The following OSMR variants were observed in gnomAD, a reference collection of about 807,000 sequenced individuals.
OSMR encodes oncostatin-M-specific receptor subunit beta.
Under a neutral mutation model 99.9 loss-of-function variants are expected in OSMR, and 81 were observed. The observed-to-expected ratio is 0.81, with a 90% CI of 0.68 to 0.97. The LOEUF (loss-of-function observed/expected upper bound fraction) is 0.97. Ranked by LOEUF, OSMR falls within the 50% of genes least tolerant of loss-of-function variation. The pLI, the probability that OSMR is intolerant of heterozygous loss-of-function variation, is 0.00. For missense variants in OSMR, 1,099 were observed against 1,153.4 expected (o/e 0.95, Z 0.68); for synonymous variants, 406 against 410.4 (o/e 0.99, Z 0.13).
At chr5:38,854,157 G>A (rs3805560) in intron 1 of OSMR, among the ~76,000 whole-genome samples, 1 of 152,050 alleles carries the variant, frequency 6.6e-6, no homozygotes, top group African/African-American at 2.4e-5. Flanking sequence ...ACCCAGGCAT[G>A]AGACCTCCAA....
downstream of OSMR, among the ~76,000 whole-genome samples, chr5:38,937,375 A>G (rs1202840092): frequency 6.6e-6 from 1 of 152,230 alleles, no homozygotes; most frequent in Non-Finnish European, 1.5e-5. This position sits in a 1 kb window ranked among gnomAD's most constrained non-coding sequence, Gnocchi z 4.0. Flanking sequence ...AGTGGAAGAC[A>G]TTGGGAAAAA....
At chr5:38,868,530 C>T (rs1262114537) in intron 1 of OSMR, among the ~76,000 whole-genome samples, 1 of 152,174 alleles carries the variant, frequency 6.6e-6, no homozygotes, top group African/African-American at 2.4e-5. Flanking sequence ...ATCTGATGGG[C>T]TTATCAAGGT....
intron 12 of OSMR, 129 bp downstream of exon 12, chr5:38,921,923 G>A (rs778637876): frequency 2.6e-6 from 2 of 766,146 alleles, no homozygotes; most frequent in African/African-American, 3.5e-5. Flanking sequence ...AATCCAGCAT[G>A]GGTGTTAGGA....
At chr5:38,852,809 C>G (rs1004324090) in intron 1 of OSMR, among the ~76,000 whole-genome samples, 1 of 132,332 alleles carries the variant, frequency 7.6e-6, no homozygotes. Context: ...TGGCTCACTG[C>G]AAGCTCCGCC....
chr5:38,880,707 C>G (rs1055395104), intron 3 of OSMR, among the ~76,000 whole-genome samples: 1 of 152,192 alleles, frequency 6.6e-6, no homozygotes, highest in African/African-American at 2.4e-5. Flanking sequence ...AAGGCATATC[C>G]AGAAGTGTGG....
chr5:38,859,960 C>T (rs1272348120), intron 1 of OSMR, among the ~76,000 whole-genome samples: 1 of 152,102 alleles, frequency 6.6e-6, no homozygotes, highest in Non-Finnish European at 1.5e-5. Context: ...ATTCATTTAT[C>T]AGTTCTAAGA....
At position 38,934,566 on chromosome 5, in the gene OSMR, TCTCAG is replaced by T. The variant is rs1746930016; in HGVS notation, c.*1127_*1131del. The T allele has an allele frequency of 6.6e-6, 1 of 152,158 alleles. No homozygotes were observed. The highest frequency in any genetic ancestry group is 2.4e-5 in the African/African-American group (1 of 41,426). 9.4% of individuals were successfully genotyped at this position (152,158 alleles called of 1,614,324 possible). A position where few individuals can be genotyped will look rare whatever the true frequency, so the allele number is the denominator to read the frequency against. On this transcript the variant is annotated 3_prime_UTR_variant, in exon 18 of 18. Coordinates refer to ENST00000274276, the MANE Select transcript of OSMR (RefSeq NM_003999.3). ...GTACATGTTGGTTCTTTTGGTGCAA[TCTCAG>T]CTCACTGCAGCTTCCGCCTCCTAGA...
At chr5:38,861,428 A>G (rs1561337191) in intron 1 of OSMR, among the ~76,000 whole-genome samples, 1 of 152,150 alleles carries the variant, frequency 6.6e-6, no homozygotes, top group Non-Finnish European at 1.5e-5. Flanking sequence ...CAGAGAGCAC[A>G]GGGTTGGGGG....
downstream of OSMR, chr5:38,938,369 T>A (rs1747193772): frequency 4.3e-6 from 1 of 230,384 alleles, no homozygotes; most frequent in South Asian, 1.8e-4. Context: ...CTGACAGGTA[T>A]TTTTGTAACA....
chr5:38,847,424 A>T (rs997695475), intron 1 of OSMR, among the ~76,000 whole-genome samples: 1 of 152,170 alleles, frequency 6.6e-6, no homozygotes, highest in East Asian at 1.9e-4. Context: ...AGGGTTACAC[A>T]GCTAGCAGGT....
At chr5:38,901,457 T>G (rs1744886107) in intron 7 of OSMR, among the ~76,000 whole-genome samples, 1 of 152,182 alleles carries the variant, frequency 6.6e-6, no homozygotes, top group Non-Finnish European at 1.5e-5. Context: ...CTGTCTAATT[T>G]GATTGGTGGA....
intron 3 of OSMR, among the ~76,000 whole-genome samples, chr5:38,881,130 A>G (rs2112358394): frequency 6.6e-6 from 1 of 152,342 alleles, no homozygotes; most frequent in Non-Finnish European, 1.5e-5. Flanking sequence ...TGCTTTCTTG[A>G]CTGAGATTTG....
chr5:38,933,829 G>T lies in OSMR; in HGVS notation c.*385G>T. ...TACTGAGGAAATATTTCCATTAACA[G>T]CAATTATTATATTGAAGGCTTTAAT... On this transcript the variant is annotated 3_prime_UTR_variant, in exon 18 of 18. Transcript: ENST00000274276. The T allele has an allele frequency of 5.0e-6, 1 of 200,812 alleles. No individual in the cohort carries two copies. The highest frequency in any genetic ancestry group is 1.0e-5 in the Non-Finnish European group (1 of 97,850). The allele number at this position is 200,812 out of a possible 1,614,324, so 12.4% of individuals were successfully genotyped here.
intron 1 of OSMR, among the ~76,000 whole-genome samples, chr5:38,942,606 A>T (rs1463967641): frequency 6.6e-6 from 1 of 150,564 alleles, no homozygotes; most frequent in African/African-American, 2.4e-5. Context: ...AGATGACACC[A>T]ACCTCGGCTA....
chr5:38,881,858 C>A, intron 4 of OSMR, 94 bp downstream of exon 4: 2 of 1,095,740 alleles, frequency 1.8e-6, no homozygotes, highest in Non-Finnish European at 2.8e-6. Context: ...TTGAGGAACC[C>A]TGGGTAGACA....
intron 7 of OSMR, among the ~76,000 whole-genome samples, chr5:38,902,480 T>TC (rs1744958181): frequency 2.0e-5 from 3 of 152,210 alleles, no homozygotes; most frequent in African/African-American, 7.2e-5. Context: ...AGTTTAATTT[T>TC]TCCCCTAAAA....
chr5:38,932,120 C>T (rs1237564513), intron 16 of OSMR, among the ~76,000 whole-genome samples, 156 bp downstream of exon 16: 1 of 152,180 alleles, frequency 6.6e-6, no homozygotes, highest in East Asian at 1.9e-4. Flanking sequence ...ATTTATTTCA[C>T]AATTTTGTTT....
At chr5:38,884,533 G>A (rs999422827) in intron 5 of OSMR, among the ~76,000 whole-genome samples, 6 of 152,104 alleles carry the variant, frequency 3.9e-5, no homozygotes, top group Admixed American at 6.6e-5. Flanking sequence ...GTGTCATCTC[G>A]CCAAGTTTCC....
intron 1 of OSMR, among the ~76,000 whole-genome samples, chr5:38,863,349 CCA>C (rs748956781): frequency 5.7e-4 from 87 of 151,978 alleles, no homozygotes; most frequent in Admixed American, 1.4e-3. Context: ...GACCATGCTG[CCA>C]ACATGGTAAA....
Sources: allele counts gnomAD v4.1 joint callset (sites outside exome capture counted in the v4.1 genomes callset), GRCh38; gene constraint gnomAD v4.1.1; non-coding constraint Gnocchi (gnomAD v3.1); transcripts MANE v1.5; gene names NCBI Gene and HGNC (gene_info 2026-07-23, HGNC 2026-07-21).